Variants in CAMK1D observed in about 807,000 individuals in gnomAD.
CAMK1D encodes the protein calcium/calmodulin-dependent protein kinase type 1D.
A neutral mutation model predicts 47.7 loss-of-function variants in CAMK1D; 9 were observed. The observed-to-expected ratio is 0.19, with a 90% CI of 0.11 to 0.33. The LOEUF (loss-of-function observed/expected upper bound fraction) is 0.33, where lower values mean the gene tolerates loss of function less well. Ranked by LOEUF, CAMK1D falls within the 10% of genes least tolerant of loss-of-function variation. The pLI is 1.00. For missense variants in CAMK1D, 291 were observed against 488.7 expected, an observed-to-expected ratio of 0.60 and a Z score of 3.81; for synonymous variants, 184 against 184.9, an observed-to-expected ratio of 0.99 and a Z score of 0.04.
At chr10:12,736,513 A>C (rs1835195847) in intron 3 of CAMK1D, among the ~76,000 whole-genome samples, 1 of 152,224 alleles carries the variant, frequency 6.6e-6, no homozygotes, top group Non-Finnish European at 1.5e-5. Flanking sequence ...TATCCTTGAA[A>C]GTTTTCTGGC....
At chr10:12,498,380 G>A (rs73571216) in intron 1 of CAMK1D, among the ~76,000 whole-genome samples, 1,564 of 152,314 alleles carry the variant, frequency 0.01, 24 homozygotes, top group African/African-American at 0.036. Context: ...TGAGCATCTG[G>A]CACCAGGAGA....
At chr10:12,766,741 A>G (rs946225334) in intron 4 of CAMK1D, among the ~76,000 whole-genome samples, 1 of 152,038 alleles carries the variant, frequency 6.6e-6, no homozygotes, top group African/African-American at 2.4e-5. Flanking sequence ...CTTCAGCAGG[A>G]GTCCTGTCAG....
intron 4 of CAMK1D, among the ~76,000 whole-genome samples, chr10:12,765,614 T>C (rs1262076925): frequency 6.6e-6 from 1 of 152,204 alleles, no homozygotes; most frequent in East Asian, 1.9e-4. Flanking sequence ...CTAATGCCTT[T>C]GAAGTGGCCT....
At chr10:12,425,868 T>C (rs1214072760) in intron 1 of CAMK1D, among the ~76,000 whole-genome samples, 1 of 152,244 alleles carries the variant, frequency 6.6e-6, no homozygotes, top group Non-Finnish European at 1.5e-5. Flanking sequence ...TAAAATATGA[T>C]GACAGGCAGA....
At chr10:12,495,295 T>A (rs1382148511) in intron 1 of CAMK1D, among the ~76,000 whole-genome samples, 1 of 152,234 alleles carries the variant, frequency 6.6e-6, no homozygotes, top group Non-Finnish European at 1.5e-5. Flanking sequence ...CAGGCGAACA[T>A]CCATTTCTTC....
chr10:12,548,288 T>C (rs902403980), intron 1 of CAMK1D, among the ~76,000 whole-genome samples: 3 of 152,108 alleles, frequency 2.0e-5, no homozygotes, highest in African/African-American at 7.2e-5. Context: ...GTTGATATAA[T>C]TTTTTTCTCC....
intron 1 of CAMK1D, among the ~76,000 whole-genome samples, chr10:12,372,700 C>T (rs1838039989): frequency 1.3e-5 from 2 of 152,216 alleles, no homozygotes; most frequent in South Asian, 4.1e-4. Flanking sequence ...GTGATCACGG[C>T]TCACTGCAGC....
rs1003535873 is a variant in CAMK1D at position 12,573,116 on chromosome 10, C to T, written c.224+19760C>T. Among the ~76,000 whole-genome samples, 4 of 152,348 alleles carry T rather than the reference C, an allele frequency of 2.6e-5. No individual in the cohort carries two copies. In the South Asian group the frequency reaches 8.3e-4, roughly 32 times the overall value. On this transcript the variant is annotated intron_variant, in intron 2 of 10. Transcript: ENST00000619168. ...AGACATGGTGCTGTTCATTTGGACA[C>T]TTCTTTCCTTCCAACAGGATATCTG...
intron 1 of CAMK1D, among the ~76,000 whole-genome samples, chr10:12,486,962 C>G (rs183026285): frequency 2.0e-5 from 3 of 152,182 alleles, no homozygotes; most frequent in African/African-American, 7.2e-5. Context: ...TAAAAAAATT[C>G]ACACATAAAA....
intron 3 of CAMK1D, among the ~76,000 whole-genome samples, chr10:12,718,010 C>T (rs1374844803): frequency 6.6e-6 from 1 of 151,822 alleles, no homozygotes; most frequent in Non-Finnish European, 1.5e-5. Context: ...CCTGAAAGGG[C>T]ATATTTCATA....
chr10:12,442,807 A>T (rs1326432910), intron 1 of CAMK1D, among the ~76,000 whole-genome samples: 1 of 152,152 alleles, frequency 6.6e-6, no homozygotes, highest in East Asian at 1.9e-4. Flanking sequence ...AAAAGTGAAA[A>T]CCGACTTCAT....
intron 1 of CAMK1D, among the ~76,000 whole-genome samples, chr10:12,428,383 G>GA (rs1840323315): frequency 6.6e-6 from 1 of 152,068 alleles, no homozygotes; most frequent in Admixed American, 6.5e-5. Flanking sequence ...GCTTGTTAAA[G>GA]ACTGTCTATT....
chr10:12,723,773 A>T (rs1834496800), intron 3 of CAMK1D, among the ~76,000 whole-genome samples: 1 of 151,722 alleles, frequency 6.6e-6, no homozygotes, highest in Non-Finnish European at 1.5e-5. Context: ...TATATTTTTT[A>T]TTATACTTTA....
At chr10:12,787,533 T>A (rs1197647249) in intron 5 of CAMK1D, among the ~76,000 whole-genome samples, 1 of 152,220 alleles carries the variant, frequency 6.6e-6, no homozygotes, top group African/African-American at 2.4e-5. Flanking sequence ...GCGGTGGCTG[T>A]GGCCTTGTAT....
At chr10:12,642,048 TAA>T (rs34344996) in intron 2 of CAMK1D, among the ~76,000 whole-genome samples, 12 of 133,236 alleles carry the variant, frequency 9.0e-5, no homozygotes, top group Non-Finnish European at 9.7e-5. Context: ...TTTCTCAGAA[TAA>T]AAAAAAAAAA....
At chr10:12,620,396 A>T (rs931738410) in intron 2 of CAMK1D, among the ~76,000 whole-genome samples, 1 of 152,180 alleles carries the variant, frequency 6.6e-6, no homozygotes, top group African/African-American at 2.4e-5. Context: ...GTAATGTGTG[A>T]GTGATCGTTT....
At chr10:12,589,647 G>A (rs1837938224) in intron 2 of CAMK1D, among the ~76,000 whole-genome samples, 1 of 152,188 alleles carries the variant, frequency 6.6e-6, no homozygotes, top group Non-Finnish European at 1.5e-5. Context: ...TTCAGAAACT[G>A]CCTGTCTTAA....
intron 2 of CAMK1D, among the ~76,000 whole-genome samples, chr10:12,573,996 T>A (rs182045348): frequency 1.3e-5 from 2 of 152,056 alleles, no homozygotes; most frequent in African/African-American, 4.8e-5. Flanking sequence ...TTAAATTATT[T>A]ATATTGTATT....
chr10:12,596,445 C>T (rs913975003), intron 2 of CAMK1D, among the ~76,000 whole-genome samples: 5 of 152,314 alleles, frequency 3.3e-5, no homozygotes, highest in East Asian at 3.9e-4. Context: ...GTTAGGCTTA[C>T]ATTTCACTTT....
Sources: gnomAD v4.1 joint callset for allele counts (sites outside exome capture counted in the v4.1 genomes callset) on GRCh38, gnomAD v4.1.1 for gene constraint, MANE v1.5 for transcripts, NCBI Gene and HGNC (gene_info 2026-07-23, HGNC 2026-07-21) for gene names.